Variants in LRRC56 observed in about 807,000 individuals in gnomAD.
LRRC56 encodes the protein leucine rich repeat containing 56.
LRRC56 carries 41 observed loss-of-function variants against 47.8 expected under a neutral mutation model. That is an observed-to-expected ratio of 0.86 (90% CI 0.67 to 1.11). LRRC56 has a LOEUF of 1.11. Ranked by LOEUF, LRRC56 falls within the 50% of genes most tolerant of loss-of-function variation. LRRC56 has a pLI of 0.00. For missense variants in LRRC56, 759 were observed against 704.2 expected (o/e 1.08, Z -0.88); for synonymous variants, 387 against 311.2 (o/e 1.24, Z -2.56).
At chr11:523,497 G>A in the LRRC56 span, among the ~76,000 whole-genome samples, 1 of 151,854 alleles carries the variant, frequency 6.6e-6, no homozygotes, top group African/African-American at 2.4e-5. Context: ...CACGTGTGGT[G>A]GTGGGCACCC....
In LRRC56 at chr11:554,145, A is replaced by G; in HGVS notation, c.1498A>G (p.Arg500Gly). The G allele has an allele frequency of 6.2e-7, 1 of 1,600,956 alleles. No individual in the cohort carries two copies. Among genetic ancestry groups the G allele is most frequent in the Non-Finnish European group, 8.5e-7 (1 of 1,175,958 alleles). Residue 500 changes from arginine to glycine, a missense_variant, in exon 14 of 14, where the codon AGA (arginine) becomes GGA (glycine). Transcript: ENST00000270115. ...GDGVAAVPVL[R>G]ALEVASRLSP... ...TGGGGTGGCTGCAGTGCCTGTCCTG[A>G]GAGCCCTGGAGGTGGCCTCACGCCT...
the LRRC56 span, among the ~76,000 whole-genome samples, chr11:515,172 G>A: frequency 5.6e-4 from 85 of 152,226 alleles, no homozygotes; most frequent in African/African-American, 1.9e-3. Context: ...CAGGTCTGTC[G>A]GCTGAGGAGG....
chr11:539,741 C>G lies in LRRC56; in HGVS notation c.-12+15C>G, dbSNP rs547940377. 1.3e-5 allele frequency: 2 copies of G among 152,408 alleles called. No individual in the cohort carries two copies. The highest frequency in any genetic ancestry group is 2.4e-5 in the African/African-American group (1 of 41,502). 9.4% of individuals were successfully genotyped at this position (152,408 alleles called of 1,614,324 possible). A position where few individuals can be genotyped will look rare whatever the true frequency, so the allele number is the denominator to read the frequency against. ...GGCAACACCAGGTAAGCCTGATGCA[C>G]GTAGTCGAGGGACACACTGGGCTTA... On this transcript the variant is annotated intron_variant, in intron 3 of 13. Transcript: ENST00000270115.
chr11:510,198 G>A, the LRRC56 span, among the ~76,000 whole-genome samples: 3 of 152,192 alleles, frequency 2.0e-5, no homozygotes, highest in Non-Finnish European at 4.4e-5. Flanking sequence ...CAGTGTTCAT[G>A]AGATGCCATC....
chr11:534,398 GCCAGGC>G (rs866868599), upstream of LRRC56: 5 of 1,230,144 alleles, frequency 4.1e-6, no homozygotes, highest in Non-Finnish European at 5.8e-6. Context: ...GCCCTGCTCA[GCCAGGC>G]CCAGGCCCAG....
chr11:543,706 A>G (rs1050678626), intron 5 of LRRC56, among the ~76,000 whole-genome samples: 2 of 151,450 alleles, frequency 1.3e-5, no homozygotes, highest in African/African-American at 2.4e-5. Flanking sequence ...CCCTTCCCAC[A>G]GGCATGGTCT....
chr11:554,543 G>A lies in LRRC56; in HGVS notation c.*267G>A, dbSNP rs1852651079. ...CCCTTCCTTAGGGCCAGGCTTTCCCGCGGGCACGGGGGTGGGGGGTGGTCA... is the reference window on the plus strand; with the variant it reads ...CCCTTCCTTAGGGCCAGGCTTTCCCACGGGCACGGGGGTGGGGGGTGGTCA... On this transcript the variant is annotated 3_prime_UTR_variant, in exon 14 of 14. Transcript: ENST00000270115. 2 of 417,516 alleles carry A rather than the reference G, an allele frequency of 4.8e-6. No homozygotes were observed. Among genetic ancestry groups the A allele is most frequent in the Admixed American group, 8.2e-5 (2 of 24,398 alleles). The allele number at this position is 417,516 out of a possible 1,614,324, so 25.9% of individuals were successfully genotyped here.
the LRRC56 span, chr11:532,432 C>T: frequency 4.3e-6 from 3 of 695,148 alleles, no homozygotes; most frequent in Non-Finnish European, 7.1e-6. Flanking sequence ...TCCAGCAGCC[C>T]TTCCTTCCTT....
chr11:552,295 G>C, intron 12 of LRRC56, 63 bp downstream of exon 12: 1 of 1,554,140 alleles, frequency 6.4e-7, no homozygotes, highest in Non-Finnish European at 8.7e-7. Context: ...CAGGGCTGGG[G>C]CTACCTTGGC....
chr11:553,076 A>G (rs1852504047), intron 13 of LRRC56, among the ~76,000 whole-genome samples: 1 of 152,242 alleles, frequency 6.6e-6, no homozygotes, highest in African/African-American at 2.4e-5. Flanking sequence ...GGACACAGGC[A>G]TGAGTCCGGG....
chr11:528,724 C>T, the LRRC56 span: 2 of 152,188 alleles, frequency 1.3e-5, no homozygotes, highest in East Asian at 1.9e-4. Context: ...CCAGGCCTAG[C>T]TGGAGAAGAA....
At position 537,599 on chromosome 11, in the gene LRRC56, C is replaced by G. The variant is rs1851577207; in HGVS notation, c.-428C>G. On this transcript the variant is annotated 5_prime_UTR_variant, in exon 1 of 14. Coordinates refer to ENST00000270115, the MANE Select transcript of LRRC56 (RefSeq NM_198075.4). ...GCCAGGGCCGGACACCTAGGCTGAGCCCTCAGGTGAGAGCCGAGCGCACCC... is the reference window on the plus strand; with the variant it reads ...GCCAGGGCCGGACACCTAGGCTGAGGCCTCAGGTGAGAGCCGAGCGCACCC... 6.6e-6 allele frequency: 1 copy of G among 152,280 alleles called. No individual in the cohort carries two copies. Among genetic ancestry groups the G allele is most frequent in the South Asian group, 2.1e-4 (1 of 4,832 alleles). 9.4% of individuals were successfully genotyped at this position (152,280 alleles called of 1,614,324 possible). A position where few individuals can be genotyped will look rare whatever the true frequency, so the allele number is the denominator to read the frequency against.
intron 13 of LRRC56, among the ~76,000 whole-genome samples, chr11:553,266 GCGGGCAGGCAGGC>G (rs944395908): frequency 5.6e-4 from 85 of 152,240 alleles, no homozygotes; most frequent in Non-Finnish European, 1.0e-4. Context: ...CCCTCCCTCA[GCGGGCAGGCAGGC>G]CGGGCAGGGG....
At position 549,900 on chromosome 11, in the gene LRRC56, A is replaced by G; in HGVS notation, c.327-2A>G. 1 of 1,612,604 alleles carries G rather than the reference A, an allele frequency of 6.2e-7. No individual in the cohort carries two copies. Among genetic ancestry groups the G allele is most frequent in the Non-Finnish European group, 8.5e-7 (1 of 1,179,634 alleles). On this transcript the variant is annotated splice_acceptor_variant, in intron 6 of 13. Coordinates refer to ENST00000270115, the MANE Select transcript of LRRC56 (RefSeq NM_198075.4). LOFTEE classifies it high-confidence loss of function. Reference sequence around the variant, plus strand: ...TTGACCACCAAACCCTGCCTTCTGCAGGGACTTGGGCACGTCTCTGGGCCA... The same window carrying G: ...TTGACCACCAAACCCTGCCTTCTGCGGGGACTTGGGCACGTCTCTGGGCCA...
At chr11:513,969 A>G in the LRRC56 span, among the ~76,000 whole-genome samples, 6 of 152,014 alleles carry the variant, frequency 3.9e-5, no homozygotes, top group Non-Finnish European at 8.8e-5. Flanking sequence ...GGCACTTTCT[A>G]TCAGTATCTT....
the LRRC56 span, among the ~76,000 whole-genome samples, chr11:508,199 T>C: frequency 4.8e-4 from 73 of 152,352 alleles, no homozygotes; most frequent in Middle Eastern, 6.8e-3. Context: ...AGGGTCTCAC[T>C]CCACTGCTTA....
Position 551,206 on chromosome 11 carries a change from G to A in LRRC56, c.700G>A (p.Ala234Thr). Residue 234 changes from alanine (A) to threonine (T), a missense_variant, in exon 9 of 14, where the codon GCC becomes ACC. By Grantham distance (58) the Ala-to-Thr change is moderately conservative. Transcript: ENST00000270115. ...GCTGCAGGTCCTGGACGAAGTGCCGGCCGCACACACAGGCCCACCGGCCCC... is the reference window on the plus strand; with the variant it reads ...GCTGCAGGTCCTGGACGAAGTGCCGACCGCACACACAGGCCCACCGGCCCC... The part of the protein sequence containing the change: ...PQLQVLDEVP[A>T]AHTGPPAPPR... The A allele has an allele frequency of 1.3e-6, 2 of 1,547,224 alleles. No homozygotes were observed. The highest frequency in any genetic ancestry group is 1.7e-6 in the Non-Finnish European group (2 of 1,145,018).
chr11:532,852 A>G, upstream of LRRC56: 1 of 1,233,180 alleles, frequency 8.1e-7, no homozygotes, highest in Non-Finnish European at 1.2e-6. Context: ...CCTGGCCCGA[A>G]GCTCCCGACT....
intron 13 of LRRC56, among the ~76,000 whole-genome samples, chr11:553,433 A>C (rs1852540147): frequency 6.6e-6 from 1 of 152,094 alleles, no homozygotes; most frequent in Admixed American, 6.5e-5. Context: ...TGGAGGGGGC[A>C]GACAGAGGGG....
Sources: gnomAD v4.1 joint callset for allele counts (sites outside exome capture counted in the v4.1 genomes callset) on GRCh38, gnomAD v4.1.1 for gene constraint, MANE v1.5 for transcripts, NCBI Gene and HGNC (gene_info 2026-07-23, HGNC 2026-07-21) for gene names.